PREP: variants seen among roughly 807,000 people sequenced by gnomAD.
PREP encodes dJ355L5.1 (prolyl endopeptidase).
PREP carries 29 observed loss-of-function variants against 87.6 expected under a neutral mutation model. The observed-to-expected ratio is 0.33, with a 90% CI of 0.25 to 0.45. The LOEUF (loss-of-function observed/expected upper bound fraction) is 0.45, where lower values mean the gene tolerates loss of function less well. Ranked by LOEUF, PREP falls within the 20% of genes least tolerant of loss-of-function variation. The probability of loss-of-function intolerance (pLI) is 1.00; values close to 1 mark genes in which losing one functional copy is unlikely to be tolerated. For synonymous variants in PREP, 337 were observed against 328.6 expected, an observed-to-expected ratio of 1.03 and a Z score of -0.28; for missense variants, 695 against 886.5, an observed-to-expected ratio of 0.78 and a Z score of 2.74.
chr6:105,349,694 C>A (rs1196973974), intron 7 of PREP, among the ~76,000 whole-genome samples: 1 of 151,880 alleles, frequency 6.6e-6, no homozygotes, highest in East Asian at 1.9e-4. Flanking sequence ...AAAATCCTAG[C>A]AGAAAGGCTT....
At chr6:105,347,235 C>G (rs141564786) in intron 7 of PREP, among the ~76,000 whole-genome samples, 507 of 152,290 alleles carry the variant, frequency 3.3e-3, no homozygotes, top group African/African-American at 0.011. Flanking sequence ...TGGGCCACAG[C>G]CCGTCAGACA....
Position 105,277,179 on chromosome 6 carries a change from C to CAGTA in PREP, c.*961_*964dup, listed in dbSNP as rs143389346. 0.14 allele frequency among the ~76,000 whole-genome samples: 20,133 copies of CAGTA among 143,562 alleles called. 2,863 individuals are homozygous for CAGTA. Among genetic ancestry groups the CAGTA allele is most frequent in the African/African-American group, 0.39 (14,549 of 37,584 alleles). The allele number at this position is 143,562 out of a possible 152,430, so 94.2% of individuals were successfully genotyped here. ...ACCAAAACTTTTTTTTTTTTTTTTC[C>CAGTA]AGTAAGTAAGTATGACTATTTCTAT... On this transcript the variant is annotated 3_prime_UTR_variant, in exon 15 of 15. Transcript: ENST00000652536.
chr6:105,374,977 T>C (rs755615331), intron 4 of PREP, among the ~76,000 whole-genome samples: 6 of 152,058 alleles, frequency 3.9e-5, no homozygotes, highest in Non-Finnish European at 7.4e-5. Flanking sequence ...GGCTGCAAGA[T>C]AGATCCTTGT....
At chr6:105,394,434 A>G (rs889565592) in intron 2 of PREP, among the ~76,000 whole-genome samples, 6 of 152,242 alleles carry the variant, frequency 3.9e-5, no homozygotes, top group Admixed American at 3.9e-4. Flanking sequence ...TAAGGGAAAT[A>G]GCTGAAAACT....
In PREP at chr6:105,322,513, C is replaced by G. The variant is rs937309196; in HGVS notation, c.1317+1152G>C. 25 of 985,568 alleles carry G rather than the reference C, an allele frequency of 2.5e-5. No individual in the cohort carries two copies. In the Admixed American group the frequency reaches 1.0e-3, roughly 41 times the overall value. 61.1% of individuals were successfully genotyped at this position (985,568 alleles called of 1,614,324 possible). On this transcript the variant is annotated intron_variant, in intron 10 of 14. Coordinates refer to ENST00000652536, the MANE Select transcript of PREP (RefSeq NM_002726.5). ...TGTCTTCTCGGCCCTGTATGTCTAT[C>G]AAGAATGTTGTACTTTTAAATGCTA...
At chr6:105,381,035 A>G (rs780740882) in intron 2 of PREP, among the ~76,000 whole-genome samples, 2 of 152,220 alleles carry the variant, frequency 1.3e-5, no homozygotes, top group African/African-American at 2.4e-5. Flanking sequence ...TCACATATAA[A>G]GTTTTCATAA....
chr6:105,300,434 T>A (rs1770509565), intron 10 of PREP, among the ~76,000 whole-genome samples: 1 of 152,196 alleles, frequency 6.6e-6, no homozygotes, highest in Non-Finnish European at 1.5e-5. Context: ...AGTATTTTTT[T>A]AAGGCTTAAC....
At chr6:105,341,635 C>T (rs1216401003) in intron 7 of PREP, among the ~76,000 whole-genome samples, 4 of 152,096 alleles carry the variant, frequency 2.6e-5, no homozygotes, top group Non-Finnish European at 5.9e-5. Context: ...AATTGATAGA[C>T]CGCTAGCAAG....
At chr6:105,352,056 A>G (rs1771970689) in intron 7 of PREP, among the ~76,000 whole-genome samples, 1 of 152,232 alleles carries the variant, frequency 6.6e-6, no homozygotes, top group African/African-American at 2.4e-5. Flanking sequence ...ATCACAATGT[A>G]ACACAGATTA....
At chr6:105,352,825 A>C (rs1309251910) in intron 7 of PREP, 147 bp downstream of exon 7, 6 of 675,242 alleles carry the variant, frequency 8.9e-6, no homozygotes, top group African/African-American at 3.6e-5. Context: ...CATTTTATGG[A>C]ATAGTACTAA....
intron 6 of PREP, among the ~76,000 whole-genome samples, chr6:105,368,499 T>C (rs1469559078): frequency 6.6e-6 from 1 of 152,120 alleles, no homozygotes; most frequent in African/African-American, 2.4e-5. Flanking sequence ...AGCACAGTTG[T>C]ATAAAAAAGG....
At chr6:105,287,164 G>T (rs2114614748) in intron 11 of PREP, among the ~76,000 whole-genome samples, 1 of 151,736 alleles carries the variant, frequency 6.6e-6, no homozygotes, top group South Asian at 2.1e-4. Context: ...TAATCACAAA[G>T]AATAATATGG....
At chr6:105,325,092 T>C (rs1771114741) in intron 9 of PREP, among the ~76,000 whole-genome samples, 1 of 151,862 alleles carries the variant, frequency 6.6e-6, no homozygotes, top group Admixed American at 6.6e-5. Flanking sequence ...CCTAAATAAA[T>C]GTAATCTTGG....
chr6:105,359,426 G>A (rs1258767530), intron 6 of PREP, among the ~76,000 whole-genome samples: 1 of 152,204 alleles, frequency 6.6e-6, no homozygotes, highest in Non-Finnish European at 1.5e-5. Context: ...TAAAGAAGTA[G>A]AATTCCCCTA....
rs144500003 is a variant in PREP at position 105,391,297 on chromosome 6, G to A, written c.120+6556C>T. 2.6e-3 allele frequency among the ~76,000 whole-genome samples: 400 copies of A among 152,186 alleles called. 1 individual carries two copies. Among genetic ancestry groups the A allele is most frequent in the African/African-American group, 8.6e-3 (357 of 41,528 alleles). On this transcript the variant is annotated intron_variant, in intron 2 of 14. Transcript: ENST00000652536. ...CTCAGGAGGCTGAGGCACGAGAATC[G>A]CTTGAACCCAGGAAGCAGTGGTTGC...
At chr6:105,280,637 GGT>G (rs1280479043) in intron 14 of PREP, 2 of 151,926 alleles carry the variant, frequency 1.3e-5, no homozygotes, top group Non-Finnish European at 2.9e-5. Flanking sequence ...GGAATGCAGT[GGT>G]GTGATCTTGG....
rs559524380 is a variant in PREP, at chr6:105,274,397, T to C, written c.*3747A>G. The stretch of plus-strand genomic sequence containing the variant: ...GCCTCCTGAAGGCCCTGCCTCCTAA[T>C]TCCATCACTTTGGGATTTACGATTT... On this transcript the variant is annotated 3_prime_UTR_variant, in exon 15 of 15. Coordinates refer to ENST00000652536, the MANE Select transcript of PREP (RefSeq NM_002726.5). Among the ~76,000 whole-genome samples the C allele has an allele frequency of 3.3e-5, 5 of 152,262 alleles. No individual in the cohort carries two copies. The highest frequency in any genetic ancestry group is 1.2e-4 in the African/African-American group (5 of 41,554).
intron 7 of PREP, among the ~76,000 whole-genome samples, chr6:105,352,515 C>A (rs536511592): frequency 6.6e-6 from 1 of 152,088 alleles, no homozygotes; most frequent in Admixed American, 6.5e-5. Flanking sequence ...TGCAACATTA[C>A]GCCTTTTTTG....
intron 4 of PREP, among the ~76,000 whole-genome samples, chr6:105,375,511 A>T (rs1032620905): frequency 6.6e-6 from 1 of 152,168 alleles, no homozygotes; most frequent in African/African-American, 2.4e-5. Flanking sequence ...CCTACGGAGG[A>T]GGTTATCTTA....
Sources: gnomAD v4.1 joint callset for allele counts (sites outside exome capture counted in the v4.1 genomes callset) on GRCh38, gnomAD v4.1.1 for gene constraint, MANE v1.5 for transcripts, NCBI Gene and HGNC (gene_info 2026-07-23, HGNC 2026-07-21) for gene names.